Variants in RBFOX1 observed in about 807,000 individuals in gnomAD.
RBFOX1 encodes the protein RNA binding protein fox-1 homolog 1.
A neutral mutation model predicts 57.7 loss-of-function variants in RBFOX1; 8 were observed. That is an observed-to-expected ratio of 0.14 (90% CI 0.08 to 0.25). RBFOX1 has a LOEUF of 0.25. RBFOX1 is among the 10% of genes least tolerant of loss of function. The probability of loss-of-function intolerance (pLI) is 1.00; values close to 1 mark genes in which losing one functional copy is unlikely to be tolerated. For synonymous variants in RBFOX1, 326 were observed against 222.4 expected (o/e 1.47, Z -4.15); for missense variants, 611 against 548.5 (o/e 1.11, Z -1.14).
chr16:6,987,876 T>C (rs979672231), intron 3 of RBFOX1, among the ~76,000 whole-genome samples: 3 of 152,150 alleles, frequency 2.0e-5, no homozygotes, highest in Non-Finnish European at 4.4e-5. Context: ...AGCAGCCACA[T>C]TTTATCCCTA....
chr16:6,033,778 G>A (rs916810462), intron 1 of RBFOX1, among the ~76,000 whole-genome samples: 12 of 152,324 alleles, frequency 7.9e-5, no homozygotes, highest in Middle Eastern at 3.4e-3. Flanking sequence ...CATGTCTGTA[G>A]GATACATTCT....
At chr16:5,592,314 A>G (rs549411736) in intron 2 of RBFOX1, among the ~76,000 whole-genome samples, 49 of 151,978 alleles carry the variant, frequency 3.2e-4, no homozygotes, top group African/African-American at 1.2e-3. Flanking sequence ...TTTTTCATGC[A>G]TACAATTATA....
chr16:5,918,267 C>T (rs2058750664), intron 4 of RBFOX1, among the ~76,000 whole-genome samples: 1 of 152,104 alleles, frequency 6.6e-6, no homozygotes, highest in South Asian at 2.1e-4. Context: ...CTACAGGCAG[C>T]TGCCACCATG....
chr16:5,347,986 T>A (rs1401198110), intron 1 of RBFOX1, among the ~76,000 whole-genome samples: 1 of 119,078 alleles, frequency 8.4e-6, no homozygotes, highest in Non-Finnish European at 1.7e-5. Context: ...CATCGATCCA[T>A]CTACCTGCCC....
chr16:7,098,038 C>T (rs1320227462), intron 4 of RBFOX1, among the ~76,000 whole-genome samples: 1 of 152,076 alleles, frequency 6.6e-6, no homozygotes, highest in East Asian at 1.9e-4. Flanking sequence ...ATGGAGTATT[C>T]AAGTAAAGCC....
At chr16:6,425,748 G>T (rs922680172) in intron 2 of RBFOX1, among the ~76,000 whole-genome samples, 2 of 152,108 alleles carry the variant, frequency 1.3e-5, no homozygotes, top group African/African-American at 4.8e-5. Flanking sequence ...GATAGAGTTT[G>T]CAGAGTTTGC....
intron 2 of RBFOX1, among the ~76,000 whole-genome samples, chr16:6,350,190 T>C (rs1327057664): frequency 1.3e-5 from 2 of 151,776 alleles, no homozygotes; most frequent in Admixed American, 6.6e-5. Context: ...TAATCCCAGC[T>C]CTTTAGGAGG....
chr16:6,452,681 G>A (rs1187750523), intron 2 of RBFOX1, among the ~76,000 whole-genome samples: 2 of 152,208 alleles, frequency 1.3e-5, no homozygotes, highest in African/African-American at 2.4e-5. Flanking sequence ...GCCATAAATA[G>A]ACATGATATT....
chr16:7,111,189 G>T (rs997362112), intron 4 of RBFOX1, among the ~76,000 whole-genome samples: 3 of 152,192 alleles, frequency 2.0e-5, no homozygotes, highest in Admixed American at 2.0e-4. Context: ...GCAATGCTCA[G>T]TATTAAGGAG....
intron 1 of RBFOX1, among the ~76,000 whole-genome samples, chr16:5,339,601 C>G (rs1173557115): frequency 1.3e-5 from 2 of 148,296 alleles, no homozygotes; most frequent in Non-Finnish European, 3.0e-5. Flanking sequence ...TCCTTCCTCA[C>G]CTTCCTGAGG....
At chr16:7,217,607 G>T (rs997223597) in intron 4 of RBFOX1, among the ~76,000 whole-genome samples, 1 of 151,802 alleles carries the variant, frequency 6.6e-6, no homozygotes, top group Admixed American at 6.6e-5. Context: ...CTGGTTCTGA[G>T]AATATAATCA....
intron 4 of RBFOX1, among the ~76,000 whole-genome samples, chr16:7,342,413 T>A (rs1459403165): frequency 6.6e-6 from 1 of 152,180 alleles, no homozygotes; most frequent in African/African-American, 2.4e-5. Context: ...TTTCAACCTG[T>A]CTGCGGGGAT....
At chr16:5,546,823 CA>C (rs2151072851) in intron 2 of RBFOX1, among the ~76,000 whole-genome samples, 2 of 152,142 alleles carry the variant, frequency 1.3e-5, no homozygotes, top group East Asian at 3.9e-4. Context: ...GAGTGACCAG[CA>C]ACATATTTGG....
chr16:5,452,685 C>G (rs1299942635), intron 1 of RBFOX1, among the ~76,000 whole-genome samples: 1 of 151,828 alleles, frequency 6.6e-6, no homozygotes, highest in East Asian at 1.9e-4. Context: ...ACTCTGTCAC[C>G]CAGGCTGGAG....
At chr16:5,949,392 G>C (rs1244168084) in intron 4 of RBFOX1, among the ~76,000 whole-genome samples, 3 of 151,884 alleles carry the variant, frequency 2.0e-5, no homozygotes, top group East Asian at 1.9e-4. Context: ...CTGGCATGGT[G>C]GTGGGCGCCT....
intron 4 of RBFOX1, among the ~76,000 whole-genome samples, chr16:7,414,860 C>G (rs892516569): frequency 3.9e-5 from 6 of 152,156 alleles, no homozygotes; most frequent in Admixed American, 1.3e-4. Context: ...TCAGGTGATC[C>G]GTTTCCTTCA....
chr16:5,913,184 G>C (rs2058639146), intron 4 of RBFOX1, among the ~76,000 whole-genome samples: 1 of 152,188 alleles, frequency 6.6e-6, no homozygotes, highest in African/African-American at 2.4e-5. Context: ...TGGCTTAATA[G>C]GTAGAAAGCC....
At chr16:6,565,261 C>CTTTT (rs71145253) in intron 2 of RBFOX1, among the ~76,000 whole-genome samples, 74,843 of 147,256 alleles carry the variant, frequency 0.51, 20,414 homozygotes, top group East Asian at 0.71. Flanking sequence ...CTTTTCTTTT[C>CTTTT]TTTTTTTTTG....
chr16:5,675,404 G>A (rs897805101), intron 3 of RBFOX1, among the ~76,000 whole-genome samples: 1 of 152,118 alleles, frequency 6.6e-6, no homozygotes, highest in African/African-American at 2.4e-5. Flanking sequence ...AAAGAGAGAA[G>A]CATCCCTGGG....
Sources: allele counts gnomAD v4.1 joint callset (sites outside exome capture counted in the v4.1 genomes callset), GRCh38; gene constraint gnomAD v4.1.1; transcripts MANE v1.5; gene names NCBI Gene and HGNC (gene_info 2026-07-23, HGNC 2026-07-21).